The following PLXNC1 variants were observed in gnomAD, a reference collection of about 807,000 sequenced individuals.
PLXNC1 encodes the protein plexin C1.
PLXNC1 carries 75 observed loss-of-function variants against 178.2 expected under a neutral mutation model. The ratio of observed to expected loss-of-function variants is 0.42; its 90% CI spans 0.35 to 0.51. The LOEUF (loss-of-function observed/expected upper bound fraction) is 0.51, where lower values mean the gene tolerates loss of function less well. PLXNC1 is among the 20% of genes least tolerant of loss of function. The pLI, the probability that PLXNC1 is intolerant of heterozygous loss-of-function variation, is 0.02. For missense variants in PLXNC1, 1,503 were observed against 1,984.4 expected (o/e 0.76, Z 4.61); for synonymous variants, 790 against 779.9 (o/e 1.01, Z -0.22).
At chr12:94,256,822 A>G (rs1458104070) in intron 17 of PLXNC1, among the ~76,000 whole-genome samples, 1 of 146,960 alleles carries the variant, frequency 6.8e-6, no homozygotes, top group East Asian at 2.0e-4. Flanking sequence ...GTAAAGGAAC[A>G]CTGTTGCAAG....
chr12:94,279,722 CCCCCCTCCCTG>C, intron 22 of PLXNC1, 73 bp downstream of exon 22: 1 of 1,274,562 alleles, frequency 7.8e-7, no homozygotes, highest in Non-Finnish European at 1.1e-6. Context: ...CCCTCCCTGT[CCCCCCTCCCTG>C]CCCCCACCAG....
chr12:94,157,008 G>C (rs576246154), intron 1 of PLXNC1, among the ~76,000 whole-genome samples: 1 of 152,144 alleles, frequency 6.6e-6, no homozygotes, highest in African/African-American at 2.4e-5. Context: ...GCCTCCCACT[G>C]TACATCTTAA....
intron 11 of PLXNC1, among the ~76,000 whole-genome samples, chr12:94,243,037 C>G (rs1179456911): frequency 6.6e-6 from 1 of 152,268 alleles, no homozygotes; most frequent in Admixed American, 6.5e-5. Flanking sequence ...GAATGTGGCT[C>G]TAAATGCTGG....
At chr12:94,299,072 G>A (rs980979725) in intron 27 of PLXNC1, among the ~76,000 whole-genome samples, 4 of 152,196 alleles carry the variant, frequency 2.6e-5, no homozygotes, top group South Asian at 4.1e-4. Context: ...AAGTTGACCA[G>A]TAAAGAATGA....
chr12:94,240,574 T>C lies in PLXNC1; in HGVS notation c.2210T>C (p.Phe737Ser). ...RKEMKDVCIQFDGGNCSSVGS... is the reference protein window; with the variant it reads ...RKEMKDVCIQSDGGNCSSVGS... Reference sequence around the variant, plus strand: ...GAAATGAAGGATGTGTGTATCCAGTTTGATGGTGGGAACTGCTCTTCTGTG... The same window carrying C: ...GAAATGAAGGATGTGTGTATCCAGTCTGATGGTGGGAACTGCTCTTCTGTG... The change falls in exon 11 of 31, where the codon TTT becomes TCT. Residue 737 changes from phenylalanine (F) to serine (S), a missense_variant. Around this residue, in one of 4 missense-constraint regions of PLXNC1, gnomAD observed 615 missense variants for 698.6 expected, o/e 0.88. Coordinates refer to ENST00000258526, the MANE Select transcript of PLXNC1 (RefSeq NM_005761.3). The C allele has an allele frequency of 1.2e-6, 2 of 1,613,992 alleles. No homozygotes were observed. The highest frequency in any genetic ancestry group is 1.7e-6 in the Non-Finnish European group (2 of 1,179,834).
Position 94,302,759 on chromosome 12 carries a change from CTAAT to C in PLXNC1, c.4387-994_4387-991del, listed in dbSNP as rs146123118. Among the ~76,000 whole-genome samples the C allele has an allele frequency of 7.8e-4, 119 of 152,284 alleles. 1 individual carries two copies. In the East Asian group the frequency reaches 0.022, roughly 28 times the overall value. On this transcript the variant is annotated intron_variant, in intron 28 of 30. Coordinates refer to ENST00000258526, the MANE Select transcript of PLXNC1 (RefSeq NM_005761.3). ...CAACTCTTTCTGTCAACTACTGCTG[CTAAT>C]TATTTGTATCATAGTAAGCACTTCA...
chr12:94,305,140 A>G (rs1457801632), intron 30 of PLXNC1, 41 bp from the exon 31 acceptor site: 1 of 1,364,108 alleles, frequency 7.3e-7, no homozygotes, highest in African/African-American at 1.5e-5. Flanking sequence ...TTGTAACGCT[A>G]AAACCACAAT....
At chr12:94,185,373 A>C (rs1297581172) in intron 3 of PLXNC1, among the ~76,000 whole-genome samples, 1 of 152,216 alleles carries the variant, frequency 6.6e-6, no homozygotes, top group African/African-American at 2.4e-5. Flanking sequence ...TAAAGAAGTT[A>C]TTTATACTAT....
At chr12:94,192,747 G>T (rs1962772782) in intron 4 of PLXNC1, among the ~76,000 whole-genome samples, 1 of 152,088 alleles carries the variant, frequency 6.6e-6, no homozygotes, top group East Asian at 1.9e-4. Flanking sequence ...AAAGCAAGCT[G>T]CATGGCCAAG....
chr12:94,299,513 C>T (rs1968251668), intron 27 of PLXNC1, among the ~76,000 whole-genome samples: 2 of 152,118 alleles, frequency 1.3e-5, no homozygotes. Context: ...TTAATCCAGG[C>T]CTATCCCAAT....
At chr12:94,212,486 C>A (rs904938914) in intron 5 of PLXNC1, among the ~76,000 whole-genome samples, 2 of 150,148 alleles carry the variant, frequency 1.3e-5, no homozygotes, top group African/African-American at 4.9e-5. Flanking sequence ...GCCCCCCACC[C>A]CCCGGCAGGC....
In PLXNC1 at chr12:94,259,669, T is replaced by C. The variant is rs777844351; in HGVS notation, c.3186T>C (p.Asn1062=). ...SLTALDALIC[N]KSFLVTVIHT... is the part of the protein sequence containing the mutation. ...CAGCTTTGGATGCCCTAATCTGTAA[T>C]AAAAGCTTTCTTGTTACTGTCATCC... is the stretch of plus-strand genomic sequence containing the variant. The change falls in exon 19 of 31, where the codon AAT becomes AAC. Residue 1062 remains asparagine (N), a synonymous_variant. Transcript: ENST00000258526. The C allele has an allele frequency of 2.5e-6, 4 of 1,612,950 alleles. No individual in the cohort carries two copies. In the South Asian group the frequency reaches 3.3e-5, roughly 13 times the overall value.
chr12:94,278,010 G>A (rs1414008086), intron 21 of PLXNC1: 1 of 456,042 alleles, frequency 2.2e-6, no homozygotes, highest in Non-Finnish European at 4.4e-6. Context: ...ATATATACCT[G>A]GCTAGTGTCC....
At chr12:94,256,583 T>G (rs572128963) in intron 17 of PLXNC1, among the ~76,000 whole-genome samples, 1 of 152,160 alleles carries the variant, frequency 6.6e-6, no homozygotes, top group African/African-American at 2.4e-5. Flanking sequence ...GATGACTGTG[T>G]GGGGCTTCTG....
chr12:94,286,502 G>GA (rs968008198), intron 23 of PLXNC1, among the ~76,000 whole-genome samples: 1 of 146,214 alleles, frequency 6.8e-6, no homozygotes. Flanking sequence ...TTTTGTTAAA[G>GA]AAAAAATTTT....
rs34565975 is a variant in PLXNC1 at position 94,209,630 on chromosome 12, G to C, written c.1480G>C (p.Glu494Gln). Reference protein sequence around the residue: ...QGDCVHSENLENWLDISSGAK... With the variant: ...QGDCVHSENLQNWLDISSGAK... ...AGATTGTGTACATTCAGAGAACTTA[G>C]AAAACTGGCTGGATATTTCGTCTGG... The change falls in exon 5 of 31, where the codon GAA (glutamate) becomes CAA (glutamine). Residue 494 changes from glutamate to glutamine, a missense_variant. By Grantham distance (29) the Glu-to-Gln change is conservative. Around this residue, in one of 4 missense-constraint regions of PLXNC1, gnomAD observed 615 missense variants for 698.6 expected, o/e 0.88. Coordinates refer to ENST00000258526, the MANE Select transcript of PLXNC1 (RefSeq NM_005761.3). 15,888 of 1,609,048 alleles carry C rather than the reference G, an allele frequency of 9.9e-3. 104 individuals are homozygous for C. The highest frequency in any genetic ancestry group is 0.011 in the Admixed American group (687 of 59,886).
chr12:94,243,064 CT>C lies in PLXNC1; in HGVS notation c.2301-872del, dbSNP rs1335722108. Among the ~76,000 whole-genome samples, 3 of 152,268 alleles carry C rather than the reference CT, an allele frequency of 2.0e-5. No individual in the cohort carries two copies. The East Asian group carries it at 5.8e-4, about 29-fold the overall frequency. ...AAATGCTGGCCATCGGGAGATCACGCTTGGCTCGGTTTTCTGGTAATGGCTA... is the reference window on the plus strand; with the variant it reads ...AAATGCTGGCCATCGGGAGATCACGCTGGCTCGGTTTTCTGGTAATGGCTA... On this transcript the variant is annotated intron_variant, in intron 11 of 30. Transcript: ENST00000258526.
At chr12:94,205,681 C>T (rs3847813) in intron 4 of PLXNC1, among the ~76,000 whole-genome samples, 26,502 of 152,142 alleles carry the variant, frequency 0.17, 2,833 homozygotes, top group African/African-American at 0.29. Context: ...TTAGAGGCCT[C>T]TCAGAATGCC....
At chr12:94,151,781 A>G (rs1407418171) in intron 1 of PLXNC1, among the ~76,000 whole-genome samples, 1 of 152,118 alleles carries the variant, frequency 6.6e-6, no homozygotes, top group Non-Finnish European at 1.5e-5. Flanking sequence ...GCGTCTCTCT[A>G]CCTATTGGGT....
Sources: gnomAD v4.1 joint callset for allele counts (sites outside exome capture counted in the v4.1 genomes callset) on GRCh38, gnomAD v4.1.1 for gene constraint, gnomAD v4.1.1 regional missense constraint, MANE v1.5 for transcripts, NCBI Gene and HGNC (gene_info 2026-07-23, HGNC 2026-07-21) for gene names.